The following MAST4 variants were observed in gnomAD, a reference collection of about 807,000 sequenced individuals.
MAST4 encodes microtubule-associated serine/threonine-protein kinase 4.
Under a neutral mutation model 162.7 loss-of-function variants are expected in MAST4, and 89 were observed. The observed-to-expected ratio is 0.55, with a 90% confidence interval of 0.46 to 0.65. MAST4 has a LOEUF of 0.65. Ranked by LOEUF, MAST4 falls within the 30% of genes least tolerant of loss-of-function variation. MAST4 has a pLI of 0.00. For missense variants in MAST4, 3,153 were observed against 3,374.0 expected (o/e 0.93, Z 1.62); for synonymous variants, 1,479 against 1,361.1 (o/e 1.09, Z -1.91).
intron 1 of MAST4, among the ~76,000 whole-genome samples, chr5:66,642,632 T>A (rs1308819045): frequency 2.0e-5 from 3 of 152,190 alleles, no homozygotes; most frequent in Non-Finnish European, 4.4e-5. Context: ...GCTGGATTTC[T>A]CTACTTGAAG....
chr5:66,874,286 T>G (rs1011107747), intron 3 of MAST4, among the ~76,000 whole-genome samples: 11 of 152,192 alleles, frequency 7.2e-5, no homozygotes, highest in African/African-American at 2.7e-4. Context: ...GGAGCAGTTA[T>G]TTGTAGAGCT....
chr5:66,816,000 A>G (rs913995224), intron 3 of MAST4, among the ~76,000 whole-genome samples: 1 of 152,220 alleles, frequency 6.6e-6, no homozygotes, highest in Non-Finnish European at 1.5e-5. Context: ...TGTCTTCAGT[A>G]AAGCCAGGAT....
At chr5:66,683,576 T>A (rs1748460376) in intron 1 of MAST4, among the ~76,000 whole-genome samples, 2 of 152,144 alleles carry the variant, frequency 1.3e-5, no homozygotes, top group African/African-American at 4.8e-5. Context: ...AAGATGAAGA[T>A]CTCAAAGGTA....
At chr5:67,050,311 A>C (rs1758014774) in intron 4 of MAST4, among the ~76,000 whole-genome samples, 1 of 152,150 alleles carries the variant, frequency 6.6e-6, no homozygotes, top group South Asian at 2.1e-4. Flanking sequence ...GCCTGAGCAA[A>C]AACCATGCAG....
chr5:66,833,729 G>A (rs1028408445), intron 3 of MAST4, among the ~76,000 whole-genome samples: 2 of 152,070 alleles, frequency 1.3e-5, no homozygotes, highest in Non-Finnish European at 2.9e-5. Flanking sequence ...ATTCTGTTCT[G>A]AACTTGCTAA....
intron 1 of MAST4, among the ~76,000 whole-genome samples, chr5:66,714,837 G>A (rs1231086532): frequency 6.6e-6 from 1 of 152,222 alleles, no homozygotes; most frequent in Non-Finnish European, 1.5e-5. Flanking sequence ...GGTCCCCACA[G>A]GTCCTACCTG....
chr5:67,118,563 T>C (rs186278604), intron 12 of MAST4, 119 bp from the exon 13 acceptor site: 26 of 642,418 alleles, frequency 4.0e-5, no homozygotes, highest in Admixed American at 2.3e-4. Flanking sequence ...CATGGGCACA[T>C]TGGAGTATAG....
At chr5:66,754,338 T>C (rs570574662) in intron 1 of MAST4, among the ~76,000 whole-genome samples, 130 of 152,322 alleles carry the variant, frequency 8.5e-4, no homozygotes, top group African/African-American at 3.1e-3. Context: ...TGTTCAAAAA[T>C]TAGCATATTA....
chr5:66,951,853 G>C (rs1744752491), intron 4 of MAST4, among the ~76,000 whole-genome samples: 1 of 151,930 alleles, frequency 6.6e-6, no homozygotes, highest in Non-Finnish European at 1.5e-5. Flanking sequence ...TAACCTGTAA[G>C]TTTTTTTCTC....
chr5:66,684,523 TTATG>T (rs1376025345), intron 1 of MAST4, among the ~76,000 whole-genome samples: 1 of 152,186 alleles, frequency 6.6e-6, no homozygotes, highest in African/African-American at 2.4e-5. Context: ...GTCTGAATAT[TTATG>T]TATATATGCA....
At chr5:67,081,193 T>G (rs1025213982) in intron 5 of MAST4, among the ~76,000 whole-genome samples, 2 of 150,126 alleles carry the variant, frequency 1.3e-5, no homozygotes, top group Non-Finnish European at 3.0e-5. Flanking sequence ...GAGAGGTTCC[T>G]ATTTTAGAGG....
chr5:67,118,877 T>G, intron 13 of MAST4, 128 bp downstream of exon 13: 1 of 623,804 alleles, frequency 1.6e-6, no homozygotes, highest in Middle Eastern at 3.1e-4. Context: ...AATAAGAATA[T>G]GGATAAGATC....
chr5:66,960,182 A>G (rs528851936), intron 4 of MAST4, among the ~76,000 whole-genome samples: 21 of 152,376 alleles, frequency 1.4e-4, no homozygotes, highest in Non-Finnish European at 2.9e-5. Context: ...GACTGTCTGC[A>G]GAAAGAGACT....
At chr5:66,936,284 C>A (rs1303424502) in intron 4 of MAST4, among the ~76,000 whole-genome samples, 1 of 152,170 alleles carries the variant, frequency 6.6e-6, no homozygotes, top group Non-Finnish European at 1.5e-5. Context: ...TGATCTTGGA[C>A]AAGTTACTTA....
intron 3 of MAST4, among the ~76,000 whole-genome samples, chr5:66,870,371 C>G (rs1580716414): frequency 1.3e-5 from 2 of 152,286 alleles, no homozygotes; most frequent in South Asian, 2.1e-4. Flanking sequence ...GGTGGGATGT[C>G]TAACCCTAAG....
At chr5:66,683,602 T>C (rs1748462191) in intron 1 of MAST4, among the ~76,000 whole-genome samples, 1 of 152,208 alleles carries the variant, frequency 6.6e-6, no homozygotes. Context: ...ATTGTCATGC[T>C]GGCATTTCTG....
intron 4 of MAST4, among the ~76,000 whole-genome samples, chr5:66,999,777 C>T (rs979731030): frequency 6.6e-6 from 1 of 151,910 alleles, no homozygotes; most frequent in African/African-American, 2.4e-5. Context: ...ACCTCTCTTA[C>T]CTTGTGGCAT....
chr5:66,620,549 A>G (rs1295828226), intron 1 of MAST4, among the ~76,000 whole-genome samples: 1 of 152,144 alleles, frequency 6.6e-6, no homozygotes, highest in African/African-American at 2.4e-5. Context: ...AAACAAAACA[A>G]TATGTGACAT....
At chr5:66,900,053 A>T in intron 4 of MAST4, 71 bp downstream of exon 4, 2 of 1,042,712 alleles carry the variant, frequency 1.9e-6, no homozygotes, top group Non-Finnish European at 2.7e-6. Flanking sequence ...TTCTTCTCTG[A>T]TTCATTAGTG....
Sources: gnomAD v4.1 joint callset for allele counts (sites outside exome capture counted in the v4.1 genomes callset) on GRCh38, gnomAD v4.1.1 for gene constraint, MANE v1.5 for transcripts, NCBI Gene and HGNC (gene_info 2026-07-23, HGNC 2026-07-21) for gene names.